The following FARP2 variants were observed in gnomAD, a reference collection of about 807,000 sequenced individuals.
FARP2 encodes the protein FERM, ARH/RhoGEF and pleckstrin domain protein 2, also known as FERM, ARHGEF and pleckstrin domain-containing protein 2.
In FARP2, 111 loss-of-function variants were observed where a neutral mutation model predicts 130.5. That is an observed-to-expected ratio of 0.85 (90% confidence interval 0.73 to 1.00). FARP2 has a LOEUF of 1.00. Among genes scored for constraint, FARP2 ranks in the 50% least tolerant of loss-of-function variants. FARP2 has a pLI of 0.00. For missense variants in FARP2, 1,385 were observed against 1,346.3 expected, an observed-to-expected ratio of 1.03 and a Z score of -0.45; for synonymous variants, 504 against 516.9, an observed-to-expected ratio of 0.98 and a Z score of 0.34.
intron 12 of FARP2, among the ~76,000 whole-genome samples, chr2:241,440,146 G>A (rs2063344412): frequency 6.6e-6 from 1 of 152,132 alleles, no homozygotes; most frequent in African/African-American, 2.4e-5. Context: ...ACTAAGCCTT[G>A]TGCAGTTACA....
rs1304781369 is a variant in FARP2, at chr2:241,475,199, G to A, written c.2132-658G>A. ...ATAACATTAAATGGTTATTTACAAAGCCTATCCTCTTTGCCAAACCAGAAT... is the reference window on the plus strand; with the variant it reads ...ATAACATTAAATGGTTATTTACAAAACCTATCCTCTTTGCCAAACCAGAAT... On this transcript the variant is annotated intron_variant, in intron 18 of 26. Transcript: ENST00000264042. This position sits in a 1 kb window ranked among gnomAD's most constrained non-coding sequence, Gnocchi z 4.4. 6.6e-6 allele frequency among the ~76,000 whole-genome samples: 1 copy of A among 152,204 alleles called. No homozygotes were observed. Among genetic ancestry groups the A allele is most frequent in the Non-Finnish European group, 1.5e-5 (1 of 68,036 alleles).
At chr2:241,456,690 C>G (rs2063847169) in intron 13 of FARP2, 57 bp from the exon 14 acceptor site, 1 of 1,574,500 alleles carries the variant, frequency 6.4e-7, no homozygotes, top group Non-Finnish European at 8.7e-7. Flanking sequence ...CGGCTCTAAG[C>G]CAGCCTCACA....
intron 19 of FARP2, 42 bp downstream of exon 19, chr2:241,476,029 G>A (rs1036747516): frequency 1.3e-6 from 2 of 1,576,480 alleles, no homozygotes; most frequent in African/African-American, 1.4e-5. Flanking sequence ...AGCTACTTTG[G>A]TTTTTCAATT....
intron 8 of FARP2, among the ~76,000 whole-genome samples, chr2:241,418,684 G>A (rs1363151057): frequency 2.6e-5 from 4 of 152,168 alleles, no homozygotes; most frequent in African/African-American, 7.2e-5. Context: ...ATAAATGGTG[G>A]GCATGGCCTG....
chr2:241,456,483 C>T, intron 13 of FARP2: 3 of 388,172 alleles, frequency 7.7e-6, no homozygotes, highest in Non-Finnish European at 1.4e-5. Context: ...GGTTGGTATC[C>T]AGGCCCCCCT....
At chr2:241,368,677 G>T (rs1011729188) in intron 1 of FARP2, among the ~76,000 whole-genome samples, 1 of 151,910 alleles carries the variant, frequency 6.6e-6, no homozygotes, top group Non-Finnish European at 1.5e-5. Context: ...TCACTATGTT[G>T]CCCAGGCTGG....
chr2:241,440,411 G>C (rs771330526), intron 12 of FARP2, among the ~76,000 whole-genome samples: 2 of 152,142 alleles, frequency 1.3e-5, no homozygotes, highest in Non-Finnish European at 2.9e-5. Flanking sequence ...GGATGTGTTA[G>C]GGCACCTATG....
chr2:241,373,158 C>CTT lies in FARP2; in HGVS notation c.52_53dup (p.Leu18PhefsTer32). Reference sequence around the variant, plus strand: ...GAGTCCTGCAGACTGCAGGGATGCGCTTGGGTGCCCAGACCCCTGTGGGAG... The same window carrying CTT: ...GAGTCCTGCAGACTGCAGGGATGCGCTTTTGGGTGCCCAGACCCCTGTGGGAG... On this transcript the variant is annotated frameshift_variant, in exon 2 of 27. Transcript: ENST00000264042. LOFTEE classifies it high-confidence loss of function. 6.5e-7 allele frequency: 1 copy of CTT among 1,550,348 alleles called. No individual in the cohort carries two copies. Among genetic ancestry groups the CTT allele is most frequent in the Non-Finnish European group, 8.8e-7 (1 of 1,140,062 alleles).
At chr2:241,404,542 G>T (rs1053490599) in intron 3 of FARP2, among the ~76,000 whole-genome samples, 2 of 152,148 alleles carry the variant, frequency 1.3e-5, no homozygotes, top group Admixed American at 6.5e-5. Context: ...CCCATTCTGC[G>T]CATAGCAGCA....
chr2:241,364,970 C>A (rs2061272682), intron 1 of FARP2, among the ~76,000 whole-genome samples: 1 of 152,166 alleles, frequency 6.6e-6, no homozygotes, highest in South Asian at 2.1e-4. Flanking sequence ...ATTAGTCTCA[C>A]CCCTGCACAA....
intron 4 of FARP2, among the ~76,000 whole-genome samples, chr2:241,406,323 A>C (rs904953233): frequency 2.6e-5 from 4 of 151,874 alleles, no homozygotes; most frequent in Non-Finnish European, 5.9e-5. Context: ...AACCAAAACA[A>C]AACAAAAACA....
chr2:241,430,175 C>T (rs1286947711), intron 8 of FARP2, among the ~76,000 whole-genome samples: 2 of 152,116 alleles, frequency 1.3e-5, no homozygotes, highest in African/African-American at 4.8e-5. Context: ...TTAACTTTCC[C>T]ACATTTGGCC....
At chr2:241,358,032 A>T (rs1247196693) in intron 1 of FARP2, among the ~76,000 whole-genome samples, 1 of 152,170 alleles carries the variant, frequency 6.6e-6, no homozygotes, top group Non-Finnish European at 1.5e-5. Context: ...TCTACTAAAA[A>T]TACAAAAATT....
chr2:241,399,734 G>T (rs922696362), intron 2 of FARP2, among the ~76,000 whole-genome samples: 4 of 152,282 alleles, frequency 2.6e-5, no homozygotes, highest in African/African-American at 9.6e-5. Flanking sequence ...GTCTTTTGGG[G>T]GTGGGGGAGC....
At position 241,456,897 on chromosome 2, in the gene FARP2, T is replaced by G. The variant is rs147626594; in HGVS notation, c.1562T>G (p.Met521Arg). Residue 521 changes from methionine (M) to arginine (R), a missense_variant, in exon 14 of 27, where the codon ATG becomes AGG. Transcript: ENST00000264042. ...CTCAGTGATGCTGGCGGAGCCGGGA[T>G]GGACTGCGAGGAGCCCAGACACAAG... ...PVLSDAGGAG[M>R]DCEEPRHKRV... 5 of 1,607,026 alleles carry G rather than the reference T, an allele frequency of 3.1e-6. No individual in the cohort carries two copies. Among genetic ancestry groups the G allele is most frequent in the Non-Finnish European group, 4.3e-6 (5 of 1,176,348 alleles).
chr2:241,363,868 A>G (rs2061245899), intron 1 of FARP2, among the ~76,000 whole-genome samples: 1 of 152,256 alleles, frequency 6.6e-6, no homozygotes, highest in South Asian at 2.1e-4. Context: ...TCCAGGATAC[A>G]ATGCAAAATT....
chr2:241,405,984 T>C lies in FARP2; in HGVS notation c.331+1143T>C, dbSNP rs935367500. Among the ~76,000 whole-genome samples, 5 of 151,874 alleles carry C rather than the reference T, an allele frequency of 3.3e-5. No homozygotes were observed. In the South Asian group the frequency reaches 1.0e-3, roughly 32 times the overall value. On this transcript the variant is annotated intron_variant, in intron 4 of 26. Coordinates refer to ENST00000264042, the MANE Select transcript of FARP2 (RefSeq NM_014808.4). ...ATTAACTTTTTTTTAAAAAAAACTTTTTCATTTATCATTTTTTTCCCTAAA... is the reference window on the plus strand; with the variant it reads ...ATTAACTTTTTTTTAAAAAAAACTTCTTCATTTATCATTTTTTTCCCTAAA...
chr2:241,483,563 T>TC (rs778330035), intron 20 of FARP2, 30 bp downstream of exon 20: 43 of 1,602,632 alleles, frequency 2.7e-5, no homozygotes, highest in Admixed American at 1.3e-4. Context: ...AAGCTGTGCT[T>TC]CCCCCCGAGG....
intron 2 of FARP2, among the ~76,000 whole-genome samples, chr2:241,385,247 T>C (rs1247160441): frequency 3.9e-5 from 6 of 152,214 alleles, no homozygotes; most frequent in Non-Finnish European, 1.5e-5. Context: ...AAACTAAAAC[T>C]CTTTTATTGC....
Sources: gnomAD v4.1 joint callset for allele counts (sites outside exome capture counted in the v4.1 genomes callset) on GRCh38, gnomAD v4.1.1 for gene constraint, Gnocchi (gnomAD v3.1) non-coding constraint, MANE v1.5 for transcripts, NCBI Gene and HGNC (gene_info 2026-07-23, HGNC 2026-07-21) for gene names.